PPP1R12B: variants seen among roughly 807,000 people sequenced by gnomAD.
PPP1R12B encodes the protein myosin phosphatase target subunit 2.
PPP1R12B carries 76 observed loss-of-function variants against 126.1 expected under a neutral mutation model. That is an observed-to-expected ratio of 0.60 (90% CI 0.50 to 0.73). The LOEUF is 0.73. PPP1R12B is among the 30% of genes least tolerant of loss of function. The probability of loss-of-function intolerance (pLI) is 0.00; values close to 1 mark genes in which losing one functional copy is unlikely to be tolerated. For synonymous variants in PPP1R12B, 356 were observed against 434.7 expected, an observed-to-expected ratio of 0.82 and a Z score of 2.25; for missense variants, 1,052 against 1,205.1, an observed-to-expected ratio of 0.87 and a Z score of 1.88.
At chr1:202,568,910 C>T (rs1346622329) in intron 22 of PPP1R12B, among the ~76,000 whole-genome samples, 1 of 152,116 alleles carries the variant, frequency 6.6e-6, no homozygotes, top group Admixed American at 6.5e-5. Flanking sequence ...AGTTGCTTCT[C>T]CATATATCTA....
intron 6 of PPP1R12B, among the ~76,000 whole-genome samples, chr1:202,429,821 A>T (rs1223295753): frequency 6.6e-6 from 1 of 152,220 alleles, no homozygotes; most frequent in Non-Finnish European, 1.5e-5. Flanking sequence ...AGAACTATAT[A>T]GCTCAATGAT....
intron 18 of PPP1R12B, among the ~76,000 whole-genome samples, chr1:202,538,113 C>G (rs1204462434): frequency 1.3e-5 from 2 of 152,214 alleles, no homozygotes; most frequent in Non-Finnish European, 2.9e-5. Flanking sequence ...GCCTCAGCCT[C>G]CTGTGTAGTA....
intron 1 of PPP1R12B, chr1:202,370,274 C>G (rs1659985476): frequency 6.5e-6 from 1 of 152,956 alleles, no homozygotes; most frequent in African/African-American, 2.4e-5. Flanking sequence ...GTTTCTTCAA[C>G]TGAACATAAT....
chr1:202,448,862 C>G, intron 12 of PPP1R12B, 127 bp from the exon 13 acceptor site: 1 of 1,042,496 alleles, frequency 9.6e-7, no homozygotes, highest in South Asian at 1.6e-5. Context: ...ATTAAGAAAC[C>G]AACAAACAAA....
At chr1:202,571,045 A>G (rs1319213460) in intron 23 of PPP1R12B, among the ~76,000 whole-genome samples, 1 of 152,206 alleles carries the variant, frequency 6.6e-6, no homozygotes, top group African/African-American at 2.4e-5. Context: ...GCCTCCACTC[A>G]CCAGTCATGG....
At chr1:202,441,787 T>C (rs1309770761) in intron 11 of PPP1R12B, among the ~76,000 whole-genome samples, 3 of 152,032 alleles carry the variant, frequency 2.0e-5, no homozygotes, top group African/African-American at 4.8e-5. Flanking sequence ...TTCTTCATCT[T>C]CCCCCATCAT....
chr1:202,571,550 G>A (rs912169506), intron 23 of PPP1R12B, among the ~76,000 whole-genome samples: 9 of 152,100 alleles, frequency 5.9e-5, no homozygotes, highest in Admixed American at 1.3e-4. Context: ...AGATTCAATC[G>A]CTCAAGCGAT....
At chr1:202,421,665 G>A (rs1668804262) in intron 2 of PPP1R12B, among the ~76,000 whole-genome samples, 2 of 151,722 alleles carry the variant, frequency 1.3e-5, no homozygotes, top group African/African-American at 4.8e-5. Flanking sequence ...AAAAAAAGGG[G>A]TTTCTTCAAT....
At chr1:202,526,174 A>T (rs902147269) in intron 18 of PPP1R12B, among the ~76,000 whole-genome samples, 1 of 152,244 alleles carries the variant, frequency 6.6e-6, no homozygotes, top group African/African-American at 2.4e-5. Flanking sequence ...TGTTAGATTC[A>T]TCAATGGTAA....
intron 10 of PPP1R12B, chr1:202,438,747 A>G (rs556899214): frequency 1.8e-4 from 127 of 701,752 alleles, no homozygotes; most frequent in Non-Finnish European, 2.9e-4. Flanking sequence ...GTGAGAGAAC[A>G]GCATGTGGGA....
chr1:202,448,520 C>G (rs958681691), intron 12 of PPP1R12B: 1 of 156,440 alleles, frequency 6.4e-6, no homozygotes. Context: ...AGATGGTCAT[C>G]AAATCTAGGC....
intron 1 of PPP1R12B, among the ~76,000 whole-genome samples, chr1:202,369,326 A>G (rs1423025087): frequency 6.6e-6 from 1 of 152,244 alleles, no homozygotes; most frequent in African/African-American, 2.4e-5. Context: ...AGAAGGGGGA[A>G]ACAGTGATAC....
chr1:202,479,479 AG>A (rs1362827485), intron 13 of PPP1R12B, among the ~76,000 whole-genome samples: 1 of 152,230 alleles, frequency 6.6e-6, no homozygotes, highest in Non-Finnish European at 1.5e-5. Flanking sequence ...TTTGCTGATT[AG>A]TAAAGCAGTG....
At chr1:202,543,231 T>G in intron 18 of PPP1R12B, among the ~76,000 whole-genome samples, 1 of 152,218 alleles carries the variant, frequency 6.6e-6, no homozygotes, top group East Asian at 1.9e-4. Flanking sequence ...TTTCAGTGAC[T>G]AGAAAACAAA....
At chr1:202,506,528 A>G (rs1283084886) in intron 18 of PPP1R12B, among the ~76,000 whole-genome samples, 1 of 152,196 alleles carries the variant, frequency 6.6e-6, no homozygotes, top group African/African-American at 2.4e-5. Context: ...GAATAAATTG[A>G]TCTTTGAGGT....
chr1:202,504,089 A>G (rs867735117), intron 18 of PPP1R12B, among the ~76,000 whole-genome samples: 5 of 152,072 alleles, frequency 3.3e-5, no homozygotes, highest in African/African-American at 9.7e-5. Flanking sequence ...ATGTCACTTC[A>G]ATTTCAGTTA....
chr1:202,398,397 G>C lies in PPP1R12B; in HGVS notation c.292-18390G>C, dbSNP rs375191131. Among the ~76,000 whole-genome samples, 92 of 152,326 alleles carry C rather than the reference G, an allele frequency of 6.0e-4. No individual in the cohort carries two copies. The South Asian group carries it at 0.011, about 18-fold the overall frequency. ...CTACTTCATCCTCACTGTCATGTTA[G>C]TGTCACCTGGGGGCTGTGATCTGAA... On this transcript the variant is annotated intron_variant, in intron 1 of 23. Coordinates refer to ENST00000608999, the MANE Select transcript of PPP1R12B (RefSeq NM_002481.4).
intron 1 of PPP1R12B, among the ~76,000 whole-genome samples, chr1:202,398,227 C>T (rs967662207): frequency 2.0e-5 from 3 of 152,158 alleles, no homozygotes; most frequent in Admixed American, 2.0e-4. Context: ...GCATTACACG[C>T]ACATGCATAC....
intron 5 of PPP1R12B, 107 bp downstream of exon 5, chr1:202,427,291 A>T (rs1430225485): frequency 6.8e-7 from 1 of 1,470,542 alleles, no homozygotes; most frequent in East Asian, 2.3e-5. Flanking sequence ...TGTGAAATAT[A>T]CATCACTGGT....
Sources: allele counts gnomAD v4.1 joint callset (sites outside exome capture counted in the v4.1 genomes callset), GRCh38; gene constraint gnomAD v4.1.1; transcripts MANE v1.5; gene names NCBI Gene and HGNC (gene_info 2026-07-23, HGNC 2026-07-21).